Variants in EQTN observed in about 807,000 individuals in gnomAD.
The protein encoded by EQTN is equatorin.
EQTN carries 29 observed loss-of-function variants against 26.9 expected under a neutral mutation model. The ratio of observed to expected loss-of-function variants is 1.08; its 90% CI spans 0.80 to 1.47. EQTN has a LOEUF of 1.47. Among genes scored for constraint, EQTN ranks in the 40% most tolerant of loss-of-function variants. EQTN has a pLI of 0.00. For synonymous variants in EQTN, 129 were observed against 120.0 expected, an observed-to-expected ratio of 1.07 and a Z score of -0.49; for missense variants, 391 against 346.1, an observed-to-expected ratio of 1.13 and a Z score of -1.03.
chr9:27,292,499 G>A lies in EQTN; in HGVS notation c.290-12C>T, dbSNP rs771064346. Reference sequence around the variant, plus strand: ...ATTGACAGTTTTATCTAGGAAAAGGGAAAAAGAATTATCAGCATGTAAAAA... The same window carrying A: ...ATTGACAGTTTTATCTAGGAAAAGGAAAAAAGAATTATCAGCATGTAAAAA... On this transcript the variant is annotated splice_polypyrimidine_tract_variant and intron_variant, in intron 3 of 7. Transcript: ENST00000380032. The A allele has an allele frequency of 6.5e-7, 1 of 1,534,864 alleles. No individual in the cohort carries two copies. The highest frequency in any genetic ancestry group is 8.9e-7 in the Non-Finnish European group (1 of 1,119,286).
intron 3 of EQTN, among the ~76,000 whole-genome samples, chr9:27,293,686 C>A (rs1820281603): frequency 6.6e-6 from 1 of 152,182 alleles, no homozygotes; most frequent in African/African-American, 2.4e-5. Flanking sequence ...CTCTTCATGT[C>A]TTGTCCCAGA....
chr9:27,288,944 A>G (rs909519548), intron 6 of EQTN, among the ~76,000 whole-genome samples: 1 of 152,186 alleles, frequency 6.6e-6, no homozygotes. Flanking sequence ...GACACGTGAT[A>G]TTATGCATTT....
intron 5 of EQTN, 88 bp from the exon 6 acceptor site, chr9:27,289,819 C>G (rs1403729056): frequency 1.1e-6 from 1 of 948,736 alleles, no homozygotes. Context: ...AATTATAGTA[C>G]CCAGTGTGTG....
In EQTN at chr9:27,289,699, TA is replaced by T. The variant is rs1820192252; in HGVS notation, c.453del (p.Asp151GlufsTer14). ...GGAATTGGGTGAAATAATTGATCTT[TA>T]TCATCCATGACCACTGCTGTTCCAT... ...AINGTAVVMDDKDQLFHPIPE... is the reference protein window; with the variant it reads ...AINGTAVVMDXKDQLFHPIPE... On this transcript the variant is annotated frameshift_variant, in exon 6 of 8. Coordinates refer to ENST00000380032, the MANE Select transcript of EQTN (RefSeq NM_020641.3). LOFTEE classifies it high-confidence loss of function. 1 of 1,608,478 alleles carries T rather than the reference TA, an allele frequency of 6.2e-7. No individual in the cohort carries two copies. The highest frequency in any genetic ancestry group is 1.3e-5 in the African/African-American group (1 of 74,862).
intron 6 of EQTN, among the ~76,000 whole-genome samples, chr9:27,288,390 G>A (rs1331180387): frequency 6.6e-6 from 1 of 152,060 alleles, no homozygotes; most frequent in East Asian, 1.9e-4. Flanking sequence ...TAGTTTGGTA[G>A]TTTCTTACAA....
In EQTN at chr9:27,286,203, A is replaced by G. The variant is rs764716466; in HGVS notation, c.635+6T>C. 1.9e-6 allele frequency: 3 copies of G among 1,613,394 alleles called. No individual in the cohort carries two copies. The highest frequency in any genetic ancestry group is 2.7e-5 in the African/African-American group (2 of 74,928). The stretch of plus-strand genomic sequence containing the variant: ...TTGTAAAGACTGCAGAGGTCTGCAG[A>G]CTTACCTCAGATGCCTCAGTTTGTA... On this transcript the variant is annotated splice_donor_region_variant and intron_variant, in intron 7 of 7. Transcript: ENST00000380032.
Position 27,292,383 on chromosome 9 carries a change from G to A in EQTN, c.376+18C>T, listed in dbSNP as rs1260455837. ...ATGATATTCTCCAGGTATGAATACA[G>A]TGTAGTAATTTAAATACTTTGAATA... is the stretch of plus-strand genomic sequence containing the variant. On this transcript the variant is annotated intron_variant, in intron 4 of 7. Coordinates refer to ENST00000380032, the MANE Select transcript of EQTN (RefSeq NM_020641.3). 2 of 1,488,204 alleles carry A rather than the reference G, an allele frequency of 1.3e-6. No homozygotes were observed. The highest frequency in any genetic ancestry group is 1.7e-5 in the Admixed American group (1 of 58,340). 92.2% of individuals were successfully genotyped at this position (1,488,204 alleles called of 1,614,324 possible). A position where few individuals can be genotyped will look rare whatever the true frequency, so the allele number is the denominator to read the frequency against.
intron 5 of EQTN, among the ~76,000 whole-genome samples, chr9:27,290,631 A>T (rs1360090122): frequency 6.6e-6 from 1 of 152,264 alleles, no homozygotes; most frequent in African/African-American, 2.4e-5. Context: ...ATGCATGCTT[A>T]CATATTTATG....
chr9:27,284,963 A>G lies in EQTN; in HGVS notation c.645T>C (p.Ser215=), dbSNP rs1211803905. The change falls in exon 8 of 8, where the codon AGT becomes AGC. Residue 215 remains serine, a synonymous_variant. Coordinates refer to ENST00000380032, the MANE Select transcript of EQTN (RefSeq NM_020641.3). ...GGTTGACAGAGTACTGACTCTCACA[A>G]CTTTTATAACTGAAGAAGAAAAGAA... ...LYKLRHLSYK[S]CESQYSVNPE... 1.2e-6 allele frequency: 2 copies of G among 1,609,654 alleles called. No individual in the cohort carries two copies. Among genetic ancestry groups the G allele is most frequent in the Non-Finnish European group, 1.7e-6 (2 of 1,178,486 alleles).
Position 27,287,552 on chromosome 9 carries a change from C to T in EQTN, c.482-1190G>A, listed in dbSNP as rs73643172. ...AGCGTGGGCAGCTTTTCTCTCTAAG[C>T]CTCAGTTTTCTCAACTGTAAAATGA... On this transcript the variant is annotated intron_variant, in intron 6 of 7. Coordinates refer to ENST00000380032, the MANE Select transcript of EQTN (RefSeq NM_020641.3). Among the ~76,000 whole-genome samples, 634 of 152,236 alleles carry T rather than the reference C, an allele frequency of 4.2e-3. 4 individuals are homozygous for T. The highest frequency in any genetic ancestry group is 0.014 in the African/African-American group (588 of 41,538).
At chr9:27,292,360 G>A (rs768952797) in intron 4 of EQTN, 41 bp downstream of exon 4, 1 of 1,332,672 alleles carries the variant, frequency 7.5e-7, no homozygotes, top group Non-Finnish European at 1.1e-6. Context: ...GTCACATAAT[G>A]ATATTCTCCA....
rs201723057 is a variant in EQTN at position 27,285,133 on chromosome 9, C to CTTTTTTTTTT, written c.636-171_636-162dup. Among the ~76,000 whole-genome samples, 3 of 77,082 alleles carry CTTTTTTTTTT rather than the reference C, an allele frequency of 3.9e-5. 1 individual carries two copies. Among genetic ancestry groups the CTTTTTTTTTT allele is most frequent in the African/African-American group, 1.7e-4 (3 of 17,520 alleles). The allele number at this position is 77,082 out of a possible 152,430, so 50.6% of individuals were successfully genotyped here. On this transcript the variant is annotated intron_variant, in intron 7 of 7. Coordinates refer to ENST00000380032, the MANE Select transcript of EQTN (RefSeq NM_020641.3). ...GATATATAGTTTTTCTTTTCTTTTC[C>CTTTTTTTTTT]TTTTTTTTTTTTTTTTTTTTTTTTT... is the stretch of plus-strand genomic sequence containing the variant.
At chr9:27,291,774 A>G (rs911838074) in intron 4 of EQTN, among the ~76,000 whole-genome samples, 1 of 152,220 alleles carries the variant, frequency 6.6e-6, no homozygotes, top group Admixed American at 6.5e-5. Context: ...TACATTAGAA[A>G]CATACTTGGA....
At chr9:27,293,634 A>T (rs1368763869) in intron 3 of EQTN, among the ~76,000 whole-genome samples, 1 of 152,144 alleles carries the variant, frequency 6.6e-6, no homozygotes, top group Non-Finnish European at 1.5e-5. Context: ...AATAACTCAT[A>T]TCCTAAGGGA....
chr9:27,291,936 G>C (rs994517555), intron 4 of EQTN, among the ~76,000 whole-genome samples: 1 of 152,066 alleles, frequency 6.6e-6, no homozygotes, highest in African/African-American at 2.4e-5. Flanking sequence ...TCTTGACAGG[G>C]AAGTAAAATG....
At chr9:27,292,570 A>G (rs558374543) in intron 3 of EQTN, 83 bp from the exon 4 acceptor site, 1 of 703,678 alleles carries the variant, frequency 1.4e-6, no homozygotes, top group Non-Finnish European at 2.3e-6. Flanking sequence ...TATCTATTAA[A>G]TGGATATTAT....
rs1359021031 is a variant in EQTN, at chr9:27,295,692, C to T, written c.202+921G>A. Reference sequence around the variant, plus strand: ...CTAAAAATACAAAAAATTAGCCGGGCGTGGTGGCGGGCGCCTGTAGTCCCA... The same window carrying T: ...CTAAAAATACAAAAAATTAGCCGGGTGTGGTGGCGGGCGCCTGTAGTCCCA... On this transcript the variant is annotated intron_variant, in intron 2 of 7. Coordinates refer to ENST00000380032, the MANE Select transcript of EQTN (RefSeq NM_020641.3). Among the ~76,000 whole-genome samples, 5 of 151,776 alleles carry T rather than the reference C, an allele frequency of 3.3e-5. No individual in the cohort carries two copies. The East Asian group carries it at 5.8e-4, about 18-fold the overall frequency.
chr9:27,288,780 A>C (rs547293102), intron 6 of EQTN, among the ~76,000 whole-genome samples: 4 of 152,324 alleles, frequency 2.6e-5, no homozygotes, highest in African/African-American at 9.6e-5. Context: ...GTATGACTCC[A>C]ACTATATGAC....
At position 27,290,177 on chromosome 9, in the gene EQTN, G is replaced by A. The variant is rs566976516; in HGVS notation, c.422-446C>T. ...TAACCAGCAATTTAACACTACATTT[G>A]GGGGCCATTTTAAACAGCAAAATCA... is the stretch of plus-strand genomic sequence containing the variant. On this transcript the variant is annotated intron_variant, in intron 5 of 7. Coordinates refer to ENST00000380032, the MANE Select transcript of EQTN (RefSeq NM_020641.3). Among the ~76,000 whole-genome samples, 50 of 152,182 alleles carry A rather than the reference G, an allele frequency of 3.3e-4. No homozygotes were observed. In the South Asian group the frequency reaches 9.8e-3, roughly 30 times the overall value.
Sources: gnomAD v4.1 joint callset for allele counts (sites outside exome capture counted in the v4.1 genomes callset) on GRCh38, gnomAD v4.1.1 for gene constraint, MANE v1.5 for transcripts, NCBI Gene and HGNC (gene_info 2026-07-23, HGNC 2026-07-21) for gene names.